The following ATP6V0A1 variants were observed in gnomAD, a reference collection of about 807,000 sequenced individuals.
ATP6V0A1 encodes the protein V-type proton ATPase 116 kDa subunit a 1.
Under a neutral mutation model 105.4 loss-of-function variants are expected in ATP6V0A1, and 43 were observed. The observed-to-expected ratio is 0.41, with a 90% CI of 0.32 to 0.53. The LOEUF (loss-of-function observed/expected upper bound fraction) is 0.53. ATP6V0A1 is among the 20% of genes least tolerant of loss of function. ATP6V0A1 has a pLI of 0.30. For missense variants in ATP6V0A1, 676 were observed against 1,051.1 expected (o/e 0.64, Z 4.93); for synonymous variants, 362 against 372.8 (o/e 0.97, Z 0.33).
Position 42,514,467 on chromosome 17 carries a change from G to A in ATP6V0A1, c.2420+7G>A. 6.3e-7 allele frequency: 1 copy of A among 1,579,124 alleles called. No homozygotes were observed. The highest frequency in any genetic ancestry group is 2.3e-5 in the East Asian group (1 of 44,358). On this transcript the variant is annotated splice_region_variant and intron_variant, in intron 21 of 21. Transcript: ENST00000343619. Reference sequence around the variant, plus strand: ...ACGCACTGCGCTTACACTGGTGAGGGGCAGTGGGGCAGGGCGGGCATGGGG... The same window carrying A: ...ACGCACTGCGCTTACACTGGTGAGGAGCAGTGGGGCAGGGCGGGCATGGGG...
chr17:42,505,244 C>T (rs965368097), intron 17 of ATP6V0A1, among the ~76,000 whole-genome samples: 5 of 151,010 alleles, frequency 3.3e-5, no homozygotes, highest in Non-Finnish European at 5.9e-5. Context: ...CTTGCCCTGT[C>T]GCCCAGGCTA....
At chr17:42,507,755 T>C in intron 18 of ATP6V0A1, 128 bp downstream of exon 18, 7 of 814,076 alleles carry the variant, frequency 8.6e-6, no homozygotes, top group Non-Finnish European at 1.2e-5. Context: ...CAGCCTGCCT[T>C]CTGGACCTCT....
At chr17:42,497,160 G>A (rs1446204767) in intron 14 of ATP6V0A1, among the ~76,000 whole-genome samples, 1 of 151,532 alleles carries the variant, frequency 6.6e-6, no homozygotes, top group South Asian at 2.1e-4. Context: ...AAAATTGGCC[G>A]GGTGTGGTGG....
chr17:42,478,859 C>A, intron 7 of ATP6V0A1: 1 of 186,384 alleles, frequency 5.4e-6, no homozygotes, highest in Non-Finnish European at 1.1e-5. Flanking sequence ...CACTCATTTG[C>A]CTTTTATGAA....
At chr17:42,463,299 G>A (rs1312166256) in intron 2 of ATP6V0A1, among the ~76,000 whole-genome samples, 1 of 151,968 alleles carries the variant, frequency 6.6e-6, no homozygotes, top group Non-Finnish European at 1.5e-5. Context: ...TGAGCCACCA[G>A]GCCCAGACTG....
At chr17:42,468,592 G>A (rs1386270217) in intron 4 of ATP6V0A1, among the ~76,000 whole-genome samples, 2 of 152,084 alleles carry the variant, frequency 1.3e-5, no homozygotes, top group Non-Finnish European at 2.9e-5. Flanking sequence ...CTACCTCTAT[G>A]AGATCAACTT....
intron 21 of ATP6V0A1, chr17:42,520,791 T>C (rs1389692920): frequency 1.9e-6 from 1 of 515,776 alleles, no homozygotes; most frequent in Non-Finnish European, 3.5e-6. Context: ...AACACACTGC[T>C]CGGCAGGACA....
chr17:42,467,222 A>T (rs1421898247), intron 3 of ATP6V0A1, among the ~76,000 whole-genome samples: 1 of 152,020 alleles, frequency 6.6e-6, no homozygotes, highest in Non-Finnish European at 1.5e-5. Context: ...ACATTACTTT[A>T]TTCATTCTCC....
At chr17:42,459,311 A>G (rs2086124058) in intron 1 of ATP6V0A1, 1 of 152,228 alleles carries the variant, frequency 6.6e-6, no homozygotes, top group Non-Finnish European at 1.5e-5. Flanking sequence ...GAGTCCAGAG[A>G]ATTCCTGCTC....
intron 12 of ATP6V0A1, 151 bp from the exon 13 acceptor site, chr17:42,494,883 T>A: frequency 1.3e-6 from 1 of 742,826 alleles, no homozygotes; most frequent in Non-Finnish European, 2.2e-6. Context: ...ACTGTCTCAT[T>A]AGCATTGTAT....
At chr17:42,468,198 C>T in intron 4 of ATP6V0A1, 91 bp downstream of exon 4, 2 of 785,512 alleles carry the variant, frequency 2.5e-6, no homozygotes, top group Admixed American at 3.3e-5. Flanking sequence ...GTAATTCTTG[C>T]TAACTTTGTC....
intron 15 of ATP6V0A1, among the ~76,000 whole-genome samples, chr17:42,499,935 C>T (rs2091526454): frequency 6.6e-6 from 1 of 151,808 alleles, no homozygotes; most frequent in African/African-American, 2.4e-5. Flanking sequence ...GTGCAACTCA[C>T]ATAAAATTAT....
At chr17:42,478,716 T>C in intron 7 of ATP6V0A1, 127 bp downstream of exon 7, 1 of 1,064,108 alleles carries the variant, frequency 9.4e-7, no homozygotes, top group Non-Finnish European at 1.2e-6. Context: ...TCTGCTCTAA[T>C]TGGAGAATTT....
intron 3 of ATP6V0A1, 130 bp downstream of exon 3, chr17:42,466,637 C>A: frequency 1.3e-6 from 1 of 748,630 alleles, no homozygotes; most frequent in Non-Finnish European, 2.1e-6. Context: ...GTTAAGATGC[C>A]AAGGTGTATT....
intron 7 of ATP6V0A1, among the ~76,000 whole-genome samples, chr17:42,479,787 A>G (rs768316072): frequency 1.3e-5 from 2 of 152,144 alleles, no homozygotes; most frequent in Non-Finnish European, 2.9e-5. Flanking sequence ...AAACGTTGTA[A>G]TTTGTAGTCA....
chr17:42,488,463 G>GT (rs2090319501), intron 10 of ATP6V0A1, among the ~76,000 whole-genome samples: 1 of 151,990 alleles, frequency 6.6e-6, no homozygotes, highest in African/African-American at 2.4e-5. Flanking sequence ...AGTTTGGGTG[G>GT]TTTTTTACAT....
intron 21 of ATP6V0A1, among the ~76,000 whole-genome samples, chr17:42,516,609 C>T (rs144047959): frequency 2.0e-5 from 3 of 152,362 alleles, no homozygotes; most frequent in East Asian, 3.9e-4. Flanking sequence ...ACAGTGACCA[C>T]CTCACCTTGA....
At chr17:42,470,265 C>G in intron 5 of ATP6V0A1, 47 bp downstream of exon 5, 1 of 1,596,322 alleles carries the variant, frequency 6.3e-7, no homozygotes, top group Non-Finnish European at 8.6e-7. Context: ...ATATTATACT[C>G]ACACAAGTGG....
intron 2 of ATP6V0A1, among the ~76,000 whole-genome samples, chr17:42,463,717 A>G (rs1219508642): frequency 6.6e-6 from 1 of 152,174 alleles, no homozygotes; most frequent in Non-Finnish European, 1.5e-5. Context: ...TAGGGGTGCC[A>G]ATCTCCCCAT....
Sources: allele counts gnomAD v4.1 joint callset (sites outside exome capture counted in the v4.1 genomes callset), GRCh38; gene constraint gnomAD v4.1.1; transcripts MANE v1.5; gene names NCBI Gene and HGNC (gene_info 2026-07-23, HGNC 2026-07-21).